The following PRKCA variants were observed in gnomAD, a reference collection of about 807,000 sequenced individuals.
PRKCA encodes the protein protein kinase C alpha type.
A neutral mutation model predicts 87.0 loss-of-function variants in PRKCA; 27 were observed. The ratio of observed to expected loss-of-function variants is 0.31; its 90% CI spans 0.23 to 0.43. The LOEUF (loss-of-function observed/expected upper bound fraction) is 0.43, where lower values mean the gene tolerates loss of function less well. PRKCA is among the 20% of genes least tolerant of loss of function. PRKCA has a pLI of 1.00. For synonymous variants in PRKCA, 329 were observed against 311.1 expected, an observed-to-expected ratio of 1.06 and a Z score of -0.61; for missense variants, 518 against 852.3, an observed-to-expected ratio of 0.61 and a Z score of 4.88.
chr17:66,489,840 G>T (rs963500437), intron 2 of PRKCA, among the ~76,000 whole-genome samples: 13 of 150,782 alleles, frequency 8.6e-5, no homozygotes, highest in Non-Finnish European at 1.8e-4. Flanking sequence ...GGGTACAGTG[G>T]CGTGATCTCA....
chr17:66,447,057 G>A lies in PRKCA; in HGVS notation c.206-49144G>A, dbSNP rs1277753385. ...GTAAGAAGTAGTTTAGCATAGTTCC[G>A]GAAACGCTTCGATATCAAGCCATCA... is the stretch of plus-strand genomic sequence containing the variant. On this transcript the variant is annotated intron_variant, in intron 2 of 16. Transcript: ENST00000413366. 2.6e-5 allele frequency among the ~76,000 whole-genome samples: 4 copies of A among 152,146 alleles called. No homozygotes were observed. The South Asian group carries it at 6.2e-4, about 24-fold the overall frequency.
chr17:66,384,664 T>C (rs778841637), intron 2 of PRKCA, among the ~76,000 whole-genome samples: 3 of 152,150 alleles, frequency 2.0e-5, no homozygotes, highest in Non-Finnish European at 4.4e-5. Flanking sequence ...AGTCTCGCTC[T>C]GTCGCCCAGG....
At chr17:66,764,174 A>AGGT (rs1974747696) in intron 13 of PRKCA, among the ~76,000 whole-genome samples, 1 of 152,218 alleles carries the variant, frequency 6.6e-6, no homozygotes, top group Non-Finnish European at 1.5e-5. Context: ...TATGAGGATT[A>AGGT]GGTGAGCTTC....
chr17:66,313,674 C>T (rs1279617791), intron 2 of PRKCA, among the ~76,000 whole-genome samples: 1 of 152,222 alleles, frequency 6.6e-6, no homozygotes, highest in Admixed American at 6.5e-5. Context: ...TTGGTAATAA[C>T]TGGAGCTCAA....
At chr17:66,632,251 A>G (rs1971036577) in intron 3 of PRKCA, among the ~76,000 whole-genome samples, 1 of 152,232 alleles carries the variant, frequency 6.6e-6, no homozygotes, top group South Asian at 2.1e-4. Flanking sequence ...GATAATGTTA[A>G]AAGTCTCATT....
chr17:66,438,643 A>G (rs917168962), intron 2 of PRKCA, among the ~76,000 whole-genome samples: 27 of 152,184 alleles, frequency 1.8e-4, no homozygotes, highest in African/African-American at 5.3e-4. Context: ...CAGGTACTTT[A>G]TAAAGGAAAG....
chr17:66,493,747 C>G (rs976625555), intron 2 of PRKCA, among the ~76,000 whole-genome samples: 1 of 152,130 alleles, frequency 6.6e-6, no homozygotes, highest in African/African-American at 2.4e-5. Flanking sequence ...ACAGCAACAG[C>G]CTGGCACGTG....
At chr17:66,343,714 G>T (rs191335846) in intron 2 of PRKCA, among the ~76,000 whole-genome samples, 4 of 152,194 alleles carry the variant, frequency 2.6e-5, no homozygotes, top group Admixed American at 2.6e-4. Context: ...ATATAAAGGG[G>T]GGGTTGAAGG....
chr17:66,486,590 C>T (rs1174201525), intron 2 of PRKCA, among the ~76,000 whole-genome samples: 2 of 152,134 alleles, frequency 1.3e-5, no homozygotes, highest in African/African-American at 4.8e-5. Context: ...ACAGCCTCGT[C>T]CTTTCTACCA....
chr17:66,500,195 C>T (rs2144126271), intron 3 of PRKCA, among the ~76,000 whole-genome samples: 1 of 152,302 alleles, frequency 6.6e-6, no homozygotes, highest in Non-Finnish European at 1.5e-5. Flanking sequence ...TCTGCTGGCA[C>T]CTTGATCTTG....
intron 3 of PRKCA, among the ~76,000 whole-genome samples, chr17:66,619,867 T>A (rs1018729485): frequency 2.0e-5 from 3 of 150,650 alleles, no homozygotes; most frequent in Non-Finnish European, 4.4e-5. Context: ...CTTTTTTACC[T>A]TTCTTTGCTT....
At chr17:66,514,746 T>C (rs1386927774) in intron 3 of PRKCA, among the ~76,000 whole-genome samples, 1 of 152,074 alleles carries the variant, frequency 6.6e-6, no homozygotes, top group Non-Finnish European at 1.5e-5. Context: ...TGAACTCAAA[T>C]CACAGATGCT....
Position 66,749,147 on chromosome 17 carries a change from G to C in PRKCA, c.1524+6387G>C, listed in dbSNP as rs1465349584. On this transcript the variant is annotated intron_variant, in intron 13 of 16. Transcript: ENST00000413366. ...CCTCCCTGGCCAGTCTGCATCTTCA[G>C]AGGGTGACACCAGGACGGGCGGGTA... 2.0e-5 allele frequency among the ~76,000 whole-genome samples: 3 copies of C among 151,780 alleles called. No homozygotes were observed. The East Asian group carries it at 5.8e-4, about 29-fold the overall frequency.
intron 2 of PRKCA, among the ~76,000 whole-genome samples, chr17:66,377,722 T>TATATATATA (rs1491296808): frequency 3.3e-5 from 1 of 30,210 alleles, no homozygotes; most frequent in African/African-American, 7.9e-5. Flanking sequence ...TATATATATA[T>TATATATATA]TTTTTTTTTT....
Position 66,302,944 on chromosome 17 carries a change from G to T in PRKCA, c.93G>T (p.Val31=). The T allele has an allele frequency of 6.2e-7, 1 of 1,612,740 alleles. No individual in the cohort carries two copies. The highest frequency in any genetic ancestry group is 8.5e-7 in the Non-Finnish European group (1 of 1,179,350). The stretch of plus-strand genomic sequence containing the variant: ...AAGGGGCGCTGAGGCAGAAGAACGT[G>T]CACGAGGTGAAGGACCACAAATTCA... ...ARKGALRQKN[V]HEVKDHKFIA... Residue 31 remains valine (V), a synonymous_variant, in exon 1 of 17, where the codon GTG becomes GTT. Transcript: ENST00000413366.
intron 2 of PRKCA, among the ~76,000 whole-genome samples, chr17:66,487,793 T>C (rs1357444306): frequency 1.3e-5 from 2 of 152,232 alleles, no homozygotes; most frequent in Non-Finnish European, 2.9e-5. Context: ...TTCTCCTACC[T>C]GTTGGCCATT....
chr17:66,806,674 AGCAG>A lies in PRKCA; in HGVS notation c.*2642_*2645del, dbSNP rs1424840743. On this transcript the variant is annotated 3_prime_UTR_variant, in exon 17 of 17. Transcript: ENST00000413366. Reference sequence around the variant, plus strand: ...CACCCCAAACAGCCTGCCTGTTTAAAGCAGGCAGCAGGCTTAGGCCTTCCCTGCA... The same window carrying A: ...CACCCCAAACAGCCTGCCTGTTTAAAGCAGCAGGCTTAGGCCTTCCCTGCA... 6.6e-6 allele frequency: 1 copy of A among 152,342 alleles called. No individual in the cohort carries two copies. The highest frequency in any genetic ancestry group is 2.4e-5 in the African/African-American group (1 of 41,568). The allele number at this position is 152,342 out of a possible 1,614,324, so 9.4% of individuals were successfully genotyped here. A position where few individuals can be genotyped will look rare whatever the true frequency, so the allele number is the denominator to read the frequency against.
chr17:66,409,203 A>G (rs2143731058), intron 2 of PRKCA, among the ~76,000 whole-genome samples: 1 of 152,134 alleles, frequency 6.6e-6, no homozygotes, highest in East Asian at 1.9e-4. Flanking sequence ...CAGGGCTGGG[A>G]TGGGATGGAG....
chr17:66,442,695 A>G (rs1913836504), intron 2 of PRKCA, among the ~76,000 whole-genome samples: 2 of 152,166 alleles, frequency 1.3e-5, no homozygotes, highest in South Asian at 4.1e-4. Flanking sequence ...CACCTCTCCC[A>G]TTAGACTGCA....
Sources: allele counts gnomAD v4.1 joint callset (sites outside exome capture counted in the v4.1 genomes callset), GRCh38; gene constraint gnomAD v4.1.1; transcripts MANE v1.5; gene names NCBI Gene and HGNC (gene_info 2026-07-23, HGNC 2026-07-21).